Variants in RNF38 observed in about 807,000 individuals in gnomAD.
RNF38 encodes ring finger protein 38, also known as E3 ubiquitin-protein ligase RNF38.
RNF38 carries 15 observed loss-of-function variants against 67.2 expected under a neutral mutation model. The ratio of observed to expected loss-of-function variants is 0.22; its 90% CI spans 0.15 to 0.34. The LOEUF (loss-of-function observed/expected upper bound fraction) is 0.34. Ranked by LOEUF, RNF38 falls within the 10% of genes least tolerant of loss-of-function variation. The probability of loss-of-function intolerance (pLI) is 1.00; values close to 1 mark genes in which losing one functional copy is unlikely to be tolerated. For synonymous variants in RNF38, 220 were observed against 218.8 expected, an observed-to-expected ratio of 1.01 and a Z score of -0.05; for missense variants, 524 against 639.9, an observed-to-expected ratio of 0.82 and a Z score of 1.95.
intron 2 of RNF38, among the ~76,000 whole-genome samples, chr9:36,376,882 C>T (rs1164777219): frequency 6.8e-6 from 1 of 146,690 alleles, no homozygotes; most frequent in Non-Finnish European, 1.5e-5. Flanking sequence ...GCTGAGATCA[C>T]GCCATGGCAC....
At chr9:36,400,352 CGA>C (rs911611315), upstream of RNF38, 9 of 1,221,346 alleles carry the variant, frequency 7.4e-6, no homozygotes, top group Non-Finnish European at 9.2e-6. Context: ...AGGGAGGGAG[CGA>C]GAGAGCGAGG....
chr9:36,361,108 C>A (rs954311672), intron 4 of RNF38, among the ~76,000 whole-genome samples: 1 of 151,872 alleles, frequency 6.6e-6, no homozygotes, highest in African/African-American at 2.4e-5. Context: ...TGAACCACCG[C>A]GCTTGGCCAA....
At chr9:36,374,307 A>G (rs1048959160) in intron 3 of RNF38, among the ~76,000 whole-genome samples, 3 of 152,218 alleles carry the variant, frequency 2.0e-5, no homozygotes, top group African/African-American at 7.2e-5. Flanking sequence ...CTGCCATAAC[A>G]AAACATTGCA....
chr9:36,353,400 G>T, intron 6 of RNF38, 69 bp from the exon 7 acceptor site: 1 of 1,095,810 alleles, frequency 9.1e-7, no homozygotes, highest in African/African-American at 1.6e-5. Context: ...GATAGATTAT[G>T]CTTTATAATA....
intron 1 of RNF38, among the ~76,000 whole-genome samples, chr9:36,431,772 C>T (rs1487881018): frequency 6.6e-6 from 1 of 152,188 alleles, no homozygotes; most frequent in East Asian, 1.9e-4. Context: ...TTCAGCCCCT[C>T]TCCTCTCTCT....
At chr9:36,462,291 A>G (rs1218399717) in intron 1 of RNF38, among the ~76,000 whole-genome samples, 8 of 152,136 alleles carry the variant, frequency 5.3e-5, no homozygotes, top group Admixed American at 2.6e-4. Flanking sequence ...AAACTTCCCA[A>G]CTATCACCAA....
intron 9 of RNF38, among the ~76,000 whole-genome samples, chr9:36,348,471 TCAAA>T (rs1833463970): frequency 6.6e-6 from 1 of 152,000 alleles, no homozygotes. Flanking sequence ...AGACCCTGTC[TCAAA>T]CAAAACAAAC....
chr9:36,401,514 A>G (rs1838033267), upstream of RNF38, among the ~76,000 whole-genome samples: 1 of 152,180 alleles, frequency 6.6e-6, no homozygotes, highest in Admixed American at 6.5e-5. Flanking sequence ...GTGTCTCTCA[A>G]TGCAGCAAGC....
At chr9:36,475,340 TTAG>T (rs1380925576) in intron 1 of RNF38, among the ~76,000 whole-genome samples, 2 of 151,994 alleles carry the variant, frequency 1.3e-5, no homozygotes, top group Non-Finnish European at 1.5e-5. Context: ...ATTATTAATA[TTAG>T]TAATTATTAA....
rs113019680 is a variant in RNF38, at chr9:36,359,912, C to CTT, written c.571-1972_571-1971dup. Among the ~76,000 whole-genome samples the CTT allele has an allele frequency of 7.4e-5, 11 of 148,716 alleles. No homozygotes were observed. The South Asian group carries it at 8.6e-4, about 12-fold the overall frequency. On this transcript the variant is annotated intron_variant, in intron 4 of 11. Coordinates refer to ENST00000259605, the MANE Select transcript of RNF38 (RefSeq NM_022781.5). Reference sequence around the variant, plus strand: ...TACAGGCGTGTGCCACTACACCTGGCTTTTTTTTTTAAATTAGAGACAGGG... The same window carrying CTT: ...TACAGGCGTGTGCCACTACACCTGGCTTTTTTTTTTTTAAATTAGAGACAGGG...
chr9:36,399,422 TA>T (rs1200309460), intron 1 of RNF38, among the ~76,000 whole-genome samples: 1 of 149,922 alleles, frequency 6.7e-6, no homozygotes, highest in Non-Finnish European at 1.5e-5. Flanking sequence ...AAAATCAACT[TA>T]AAATTGAATG....
Position 36,357,818 on chromosome 9 carries a change from A to C in RNF38, c.695T>G (p.Val232Gly). Residue 232 changes from valine (V) to glycine (G), a missense_variant, in exon 5 of 12, where the codon GTT (valine) becomes GGT (glycine). Coordinates refer to ENST00000259605, the MANE Select transcript of RNF38 (RefSeq NM_022781.5). Reference sequence around the variant, plus strand: ...GACAGGGAGGTGCTGTCCACTGAAAACCACAGAGCATCCTGGGACCTGCTG... The same window carrying C: ...GACAGGGAGGTGCTGTCCACTGAAACCCACAGAGCATCCTGGGACCTGCTG... ...STQQVPGCSV[V>G]FSGQHLPVCS... is the part of the protein sequence containing the mutation. The C allele has an allele frequency of 6.2e-7, 1 of 1,613,894 alleles. No homozygotes were observed. The highest frequency in any genetic ancestry group is 8.5e-7 in the Non-Finnish European group (1 of 1,179,946).
intron 4 of RNF38, among the ~76,000 whole-genome samples, chr9:36,368,719 C>A (rs1277616559): frequency 7.0e-4 from 107 of 152,160 alleles, no homozygotes; most frequent in Non-Finnish European, 1.8e-4. Context: ...GATATTTTCT[C>A]AATTGTCACT....
chr9:36,385,725 T>C (rs1184997087), intron 2 of RNF38, among the ~76,000 whole-genome samples: 2 of 152,202 alleles, frequency 1.3e-5, no homozygotes, highest in Admixed American at 6.5e-5. Flanking sequence ...CTGAGAAGTA[T>C]GCTCAGCAAA....
chr9:36,444,566 G>C (rs1322372589), intron 1 of RNF38, among the ~76,000 whole-genome samples: 2 of 152,192 alleles, frequency 1.3e-5, no homozygotes, highest in Non-Finnish European at 2.9e-5. Flanking sequence ...TTGGGAGGTT[G>C]AAACAGGCAG....
intron 2 of RNF38, among the ~76,000 whole-genome samples, chr9:36,384,505 T>C (rs117862927): frequency 0.011 from 1,748 of 152,284 alleles, 15 homozygotes; most frequent in Non-Finnish European, 0.02. Flanking sequence ...GGTACTTGAT[T>C]AGCAGGAGGG....
chr9:36,430,711 G>C (rs1228092025), intron 1 of RNF38, among the ~76,000 whole-genome samples: 1 of 151,948 alleles, frequency 6.6e-6, no homozygotes, highest in Non-Finnish European at 1.5e-5. Context: ...TTTTCCATTT[G>C]AATGGAAATA....
At chr9:36,422,906 A>T (rs1838667509) in intron 2 of RNF38, among the ~76,000 whole-genome samples, 1 of 152,180 alleles carries the variant, frequency 6.6e-6, no homozygotes. Context: ...GGTAGACAAA[A>T]AGCTTATCTT....
intron 10 of RNF38, 132 bp from the exon 11 acceptor site, chr9:36,342,556 A>G (rs1375739096): frequency 3.2e-6 from 2 of 631,374 alleles, no homozygotes; most frequent in Non-Finnish European, 5.5e-6. Context: ...TTATCAACCA[A>G]TACCCTGAAA....
Sources: allele counts gnomAD v4.1 joint callset (sites outside exome capture counted in the v4.1 genomes callset), GRCh38; gene constraint gnomAD v4.1.1; transcripts MANE v1.5; gene names NCBI Gene and HGNC (gene_info 2026-07-23, HGNC 2026-07-21).